The following GPHN variants were observed in gnomAD, a reference collection of about 807,000 sequenced individuals.
GPHN encodes gephyrin.
Under a neutral mutation model 95.5 loss-of-function variants are expected in GPHN, and 17 were observed. The ratio of observed to expected loss-of-function variants is 0.18; its 90% CI spans 0.12 to 0.27. The LOEUF is 0.27. Among genes scored for constraint, GPHN ranks in the 10% least tolerant of loss-of-function variants. The pLI is 1.00. For missense variants in GPHN, 660 were observed against 978.1 expected (o/e 0.67, Z 4.34); for synonymous variants, 320 against 322.5 (o/e 0.99, Z 0.08).
chr14:66,715,820 T>G (rs1238616296), intron 2 of GPHN, among the ~76,000 whole-genome samples: 2 of 152,208 alleles, frequency 1.3e-5, no homozygotes, highest in African/African-American at 2.4e-5. Context: ...ATTTCCAGTT[T>G]TATTCTGCTG....
chr14:67,722,557 C>A, the GPHN span: 1 of 1,132,666 alleles, frequency 8.8e-7, no homozygotes, highest in Non-Finnish European at 1.3e-6. Context: ...CAGCCAAGAG[C>A]TGGAGCCAGA....
At chr14:67,122,063 C>T (rs2079038571) in intron 16 of GPHN, among the ~76,000 whole-genome samples, 193 bp from the exon 17 acceptor site, 1 of 152,134 alleles carries the variant, frequency 6.6e-6, no homozygotes, top group African/African-American at 2.4e-5. Context: ...TTTTTGACTT[C>T]CATAGGAACA....
chr14:67,365,144 G>A, the GPHN span: 1 of 955,280 alleles, frequency 1.0e-6, no homozygotes, highest in Non-Finnish European at 1.5e-6. Context: ...ATACAAAGTT[G>A]TTAGAAAAGG....
the GPHN span, among the ~76,000 whole-genome samples, chr14:67,502,890 T>C: frequency 6.6e-6 from 1 of 152,118 alleles, no homozygotes; most frequent in Non-Finnish European, 1.5e-5. Flanking sequence ...TGTATTAAGA[T>C]TTACAAAACA....
At chr14:66,993,073 C>A (rs147995631) in intron 9 of GPHN, among the ~76,000 whole-genome samples, 2 of 152,070 alleles carry the variant, frequency 1.3e-5, no homozygotes, top group African/African-American at 4.8e-5. Flanking sequence ...TGTGAAATTT[C>A]TTCATTTTAA....
chr14:67,155,180 A>G (rs886122916), intron 18 of GPHN, among the ~76,000 whole-genome samples: 3 of 152,212 alleles, frequency 2.0e-5, no homozygotes, highest in Non-Finnish European at 4.4e-5. Context: ...TTGAAGGGCT[A>G]TGCTTTAGGA....
intron 1 of GPHN, among the ~76,000 whole-genome samples, chr14:66,560,079 G>A (rs1349086795): frequency 2.6e-5 from 4 of 152,056 alleles, no homozygotes; most frequent in Non-Finnish European, 4.4e-5. Context: ...TGAGGGCTCC[G>A]TTCTGTTCCA....
rs188959667 is a variant in GPHN, at chr14:66,857,415, A to G, written c.295-22524A>G. On this transcript the variant is annotated intron_variant, in intron 4 of 22. Coordinates refer to ENST00000478722, the MANE Select transcript of GPHN (RefSeq NM_020806.5). Reference sequence around the variant, plus strand: ...GGAATGAAATGTCAGCACTAAAGTAAGGGAACTATTGAAAGTAACCAGGGA... The same window carrying G: ...GGAATGAAATGTCAGCACTAAAGTAGGGGAACTATTGAAAGTAACCAGGGA... Among the ~76,000 whole-genome samples the G allele has an allele frequency of 6.1e-4, 93 of 152,364 alleles. 7 individuals are homozygous for G. The East Asian group carries it at 8.5e-3, about 14-fold the overall frequency.
the GPHN span, chr14:67,573,285 G>A: frequency 6.2e-7 from 1 of 1,610,676 alleles, no homozygotes. The surrounding 1 kb of genome is among the most constrained non-coding windows in gnomAD (Gnocchi z 4.8). Flanking sequence ...GGAGTCACTG[G>A]AGAAGTCGGG....
At chr14:67,292,406 C>A in the GPHN span, 1 of 749,466 alleles carries the variant, frequency 1.3e-6, no homozygotes, top group Non-Finnish European at 2.2e-6. Flanking sequence ...TGGTATTTTT[C>A]TGAAAACTTA....
chr14:67,725,074 T>G, the GPHN span: 2 of 1,613,986 alleles, frequency 1.2e-6, no homozygotes, highest in Non-Finnish European at 1.7e-6. Context: ...ATGAACATAC[T>G]GCTCTTTTTT....
chr14:66,727,274 A>G (rs1402004072), intron 2 of GPHN, among the ~76,000 whole-genome samples: 1 of 152,124 alleles, frequency 6.6e-6, no homozygotes, highest in Non-Finnish European at 1.5e-5. Context: ...TTCTTTTGTA[A>G]ATTGCCCAGT....
chr14:67,670,337 A>C, the GPHN span, among the ~76,000 whole-genome samples: 1,736 of 151,966 alleles, frequency 0.011, 17 homozygotes, highest in Non-Finnish European at 0.019. Context: ...CCCCTCTACT[A>C]CTACTTTCCC....
intron 8 of GPHN, among the ~76,000 whole-genome samples, chr14:66,947,177 CT>C (rs2067808842): frequency 6.6e-6 from 1 of 152,124 alleles, no homozygotes. Flanking sequence ...CTCCATATAG[CT>C]TTTTCTTTCC....
chr14:67,724,355 T>G, the GPHN span: 1 of 810,176 alleles, frequency 1.2e-6, no homozygotes, highest in African/African-American at 1.7e-5. Flanking sequence ...GTCTCCTGAC[T>G]GCAACTTAAA....
At chr14:67,380,019 AG>A in the GPHN span, among the ~76,000 whole-genome samples, 1 of 152,076 alleles carries the variant, frequency 6.6e-6, no homozygotes, top group African/African-American at 2.4e-5. Context: ...AGCCTCCCAA[AG>A]TGCTGGGATT....
At chr14:67,252,131 A>T in the GPHN span, among the ~76,000 whole-genome samples, 5 of 152,198 alleles carry the variant, frequency 3.3e-5, no homozygotes, top group East Asian at 9.6e-4. Context: ...AACCAGTAAT[A>T]GTAAGTAAAG....
intron 1 of GPHN, among the ~76,000 whole-genome samples, chr14:66,584,364 T>G (rs1443626537): frequency 1.3e-5 from 2 of 152,280 alleles, no homozygotes; most frequent in East Asian, 1.9e-4. Context: ...CTTTTCCTAA[T>G]TGAATACCCT....
At chr14:67,653,508 G>A in the GPHN span, 1 of 1,611,456 alleles carries the variant, frequency 6.2e-7, no homozygotes, top group East Asian at 2.2e-5. Context: ...GCTGAGAAGA[G>A]AAAATAGTGA....
Sources: allele counts gnomAD v4.1 joint callset (sites outside exome capture counted in the v4.1 genomes callset), GRCh38; gene constraint gnomAD v4.1.1; non-coding constraint Gnocchi (gnomAD v3.1); transcripts MANE v1.5; gene names NCBI Gene and HGNC (gene_info 2026-07-23, HGNC 2026-07-21).